Variants in PTPRD observed in about 807,000 individuals in gnomAD.
PTPRD encodes the protein protein tyrosine phosphatase receptor type D.
In PTPRD, 34 loss-of-function variants were observed where a neutral mutation model predicts 214.5. That is an observed-to-expected ratio of 0.16 (90% CI 0.12 to 0.21). The LOEUF (loss-of-function observed/expected upper bound fraction) is 0.21. Among genes scored for constraint, PTPRD ranks in the 10% least tolerant of loss-of-function variants. The pLI is 1.00. For missense variants in PTPRD, 2,545 were observed against 2,398.7 expected, an observed-to-expected ratio of 1.06 and a Z score of -1.27; for synonymous variants, 1,128 against 845.7, an observed-to-expected ratio of 1.33 and a Z score of -5.79.
At chr9:10,458,150 T>C (rs1338384276) in intron 2 of PTPRD, among the ~76,000 whole-genome samples, 3 of 152,072 alleles carry the variant, frequency 2.0e-5, no homozygotes, top group East Asian at 1.9e-4. Context: ...TATTAATCCT[T>C]CTTAACTTCT....
intron 11 of PTPRD, among the ~76,000 whole-genome samples, chr9:8,745,094 ACTCC>A (rs1306026160): frequency 7.2e-5 from 11 of 152,064 alleles, no homozygotes; most frequent in Non-Finnish European, 1.6e-4. Flanking sequence ...CTTCACATCT[ACTCC>A]CTCCTTCAAT....
At chr9:10,463,164 C>A (rs1439366810) in intron 2 of PTPRD, among the ~76,000 whole-genome samples, 3 of 151,782 alleles carry the variant, frequency 2.0e-5, no homozygotes, top group Non-Finnish European at 2.9e-5. Flanking sequence ...CATTAAGACA[C>A]CATCATATGC....
intron 26 of PTPRD, among the ~76,000 whole-genome samples, chr9:8,494,359 G>A (rs543067819): frequency 2.0e-5 from 3 of 152,280 alleles, no homozygotes; most frequent in African/African-American, 7.2e-5. Flanking sequence ...ATTTTATTCT[G>A]CCAGATAAAT....
intron 5 of PTPRD, among the ~76,000 whole-genome samples, chr9:9,930,578 A>G (rs1300270104): frequency 2.6e-5 from 4 of 152,204 alleles, no homozygotes; most frequent in Admixed American, 2.0e-4. Flanking sequence ...AATATTTGAT[A>G]AAGAAAAATC....
At chr9:9,030,593 C>T (rs1327712518) in intron 10 of PTPRD, among the ~76,000 whole-genome samples, 2 of 151,760 alleles carry the variant, frequency 1.3e-5, no homozygotes, top group Non-Finnish European at 2.9e-5. Flanking sequence ...AGATTTAGGG[C>T]TAAGGTTAGC....
intron 27 of PTPRD, among the ~76,000 whole-genome samples, chr9:8,489,293 C>G (rs2097100868): frequency 2.0e-5 from 3 of 152,074 alleles, no homozygotes; most frequent in African/African-American, 7.2e-5. Context: ...TATCCTGGGA[C>G]AGAAAGGCTT....
intron 11 of PTPRD, among the ~76,000 whole-genome samples, chr9:8,778,132 G>T (rs1299898711): frequency 6.6e-6 from 1 of 152,106 alleles, no homozygotes; most frequent in Non-Finnish European, 1.5e-5. Flanking sequence ...ACTTTTTACT[G>T]TTTAGGTGGT....
intron 39 of PTPRD, among the ~76,000 whole-genome samples, chr9:8,370,391 A>T (rs2134350383): frequency 6.6e-6 from 1 of 152,226 alleles, no homozygotes; most frequent in Non-Finnish European, 1.5e-5. Flanking sequence ...ATGGACTTTG[A>T]AATCAGGATG....
intron 5 of PTPRD, among the ~76,000 whole-genome samples, chr9:9,814,035 T>C (rs1014046599): frequency 1.3e-5 from 2 of 152,054 alleles, no homozygotes; most frequent in Non-Finnish European, 2.9e-5. Flanking sequence ...ACTAACAGAA[T>C]GAAGGATAAA....
chr9:10,353,350 C>T (rs916806960), intron 2 of PTPRD, among the ~76,000 whole-genome samples: 2 of 151,952 alleles, frequency 1.3e-5, no homozygotes, highest in African/African-American at 4.8e-5. Context: ...TAATGCTTTT[C>T]CTTTTCCTGG....
chr9:9,366,817 T>C (rs2139432363), intron 9 of PTPRD, among the ~76,000 whole-genome samples: 1 of 151,316 alleles, frequency 6.6e-6, no homozygotes, highest in Middle Eastern at 3.4e-3. Flanking sequence ...GTAATAAAAA[T>C]GAATAGAGCT....
intron 7 of PTPRD, among the ~76,000 whole-genome samples, chr9:9,704,314 G>C (rs555454632): frequency 6.6e-6 from 1 of 151,476 alleles, no homozygotes; most frequent in African/African-American, 2.4e-5. Context: ...AAAAATTGTA[G>C]CCCTTTACGT....
intron 11 of PTPRD, among the ~76,000 whole-genome samples, chr9:8,776,082 A>C (rs2095460585): frequency 6.6e-6 from 1 of 152,276 alleles, no homozygotes. Flanking sequence ...AGCAGACAAT[A>C]ACAAATGTTC....
chr9:8,854,201 T>G (rs1280257051), intron 11 of PTPRD, among the ~76,000 whole-genome samples: 1 of 152,142 alleles, frequency 6.6e-6, no homozygotes, highest in Admixed American at 6.5e-5. Context: ...GCATAGATAT[T>G]TTAAGTGTAA....
intron 2 of PTPRD, among the ~76,000 whole-genome samples, chr9:10,487,752 G>A (rs2099142036): frequency 6.6e-6 from 1 of 151,894 alleles, no homozygotes; most frequent in Non-Finnish European, 1.5e-5. Context: ...GATAGGTGCA[G>A]CAAACCACCA....
chr9:9,595,960 A>T (rs1038413776), intron 7 of PTPRD, among the ~76,000 whole-genome samples: 24 of 152,022 alleles, frequency 1.6e-4, no homozygotes, highest in South Asian at 4.1e-4. Context: ...AAAAAAATAA[A>T]AAATAAATTA....
At chr9:9,385,410 A>G (rs958782241) in intron 9 of PTPRD, among the ~76,000 whole-genome samples, 7 of 152,186 alleles carry the variant, frequency 4.6e-5, no homozygotes, top group African/African-American at 1.7e-4. Context: ...GCGAAGTACT[A>G]GACAATCTTT....
At chr9:8,404,288 C>T (rs921399626) in intron 36 of PTPRD, among the ~76,000 whole-genome samples, 4 of 151,966 alleles carry the variant, frequency 2.6e-5, no homozygotes, top group Non-Finnish European at 5.9e-5. Context: ...ACCACCATGC[C>T]CGGCTAGTTT....
chr9:9,823,005 G>A (rs1343826773), intron 5 of PTPRD, among the ~76,000 whole-genome samples: 1 of 151,968 alleles, frequency 6.6e-6, no homozygotes, highest in Non-Finnish European at 1.5e-5. Context: ...TACTGAAGAG[G>A]TTTCTACACT....
Sources: allele counts gnomAD v4.1 joint callset (sites outside exome capture counted in the v4.1 genomes callset), GRCh38; gene constraint gnomAD v4.1.1; transcripts MANE v1.5; gene names NCBI Gene and HGNC (gene_info 2026-07-23, HGNC 2026-07-21).